SDC1: variants seen among roughly 807,000 people sequenced by gnomAD.
SDC1 encodes the protein syndecan 1.
SDC1 carries 14 observed loss-of-function variants against 29.7 expected under a neutral mutation model. The observed-to-expected ratio is 0.47, with a 90% CI of 0.31 to 0.74. SDC1 has a LOEUF of 0.74. SDC1 is among the 30% of genes least tolerant of loss of function. SDC1 has a pLI of 0.05. For synonymous variants in SDC1, 204 were observed against 175.5 expected, an observed-to-expected ratio of 1.16 and a Z score of -1.29; for missense variants, 406 against 400.3, an observed-to-expected ratio of 1.01 and a Z score of -0.12.
At position 20,204,031 on chromosome 2, in the gene SDC1, C is replaced by G. The variant is rs1677150891; in HGVS notation, c.409G>C (p.Ala137Pro). 1 of 1,612,920 alleles carries G rather than the reference C, an allele frequency of 6.2e-7. No homozygotes were observed. Among genetic ancestry groups the G allele is most frequent in the Non-Finnish European group, 8.5e-7 (1 of 1,179,394 alleles). Residue 137 changes from alanine to proline, a missense_variant, in exon 3 of 5, where the codon GCC becomes CCC. Ala to Pro is a conservative substitution (Grantham distance 27). Transcript: ENST00000254351. ...GCCGTGGTGGCTGTGGTCGTTGAGG[C>G]CAGATGAGTGGTCGGGAGCTGTGTG... ...ETTQLPTTHLASTTTATTAQE... is the reference protein window; with the variant it reads ...ETTQLPTTHLPSTTTATTAQE...
chr2:20,206,916 G>C (rs745401936), intron 1 of SDC1, among the ~76,000 whole-genome samples: 10 of 152,276 alleles, frequency 6.6e-5, no homozygotes, highest in Non-Finnish European at 1.5e-4. Context: ...TGTCTAGAAA[G>C]AGGGTGAAAG....
chr2:20,202,800 T>C lies in SDC1; in HGVS notation c.899A>G (p.Gln300Arg), dbSNP rs1374709120. ...EPKQANGGAY[Q>R]KPTKQEEFYA ...GAATTCCTCCTGTTTGGTGGGCTTC[T>C]GGTAGGCCCCGCCGTTGGCTTGTTT... is the stretch of plus-strand genomic sequence containing the variant. The change falls in exon 5 of 5, where the codon CAG (glutamine) becomes CGG (arginine). Residue 300 changes from glutamine (Q) to arginine (R), a missense_variant. Physicochemically the swap from Gln to Arg is conservative, Grantham distance 43. Transcript: ENST00000254351. 4 of 1,612,570 alleles carry C rather than the reference T, an allele frequency of 2.5e-6. No homozygotes were observed. The highest frequency in any genetic ancestry group is 3.4e-6 in the Non-Finnish European group (4 of 1,179,326).
At chr2:20,222,118 AAG>A (rs920135743) in intron 1 of SDC1, among the ~76,000 whole-genome samples, 4 of 150,894 alleles carry the variant, frequency 2.7e-5, no homozygotes, top group African/African-American at 9.9e-5. Context: ...CACAGAGAGA[AAG>A]AGAGAGAGAA....
At chr2:20,223,110 G>C (rs1310683833) in intron 1 of SDC1, 5 of 473,226 alleles carry the variant, frequency 1.1e-5, no homozygotes, top group African/African-American at 1.0e-4. Context: ...CCCTCCCCGT[G>C]CTCCCAGATA....
rs192936357 is a variant in SDC1, at chr2:20,219,950, T to C, written c.66+4852A>G. ...CCCGCCTCCCAGGCTTACAAAAGAA[T>C]CTGCTAATTCCAAGAATGTTTCCCC... On this transcript the variant is annotated intron_variant, in intron 1 of 4. Coordinates refer to ENST00000254351, the MANE Select transcript of SDC1 (RefSeq NM_002997.5). Among the ~76,000 whole-genome samples the C allele has an allele frequency of 1.7e-3, 255 of 152,230 alleles. 3 individuals carry two copies. Among genetic ancestry groups the C allele is most frequent in the African/African-American group, 6.0e-3 (249 of 41,548 alleles).
Position 20,207,680 on chromosome 2 carries a change from T to C in SDC1, c.67-2256A>G, listed in dbSNP as rs148781911. On this transcript the variant is annotated intron_variant, in intron 1 of 4. Coordinates refer to ENST00000254351, the MANE Select transcript of SDC1 (RefSeq NM_002997.5). ...GAGATTGTGCCACTGCACTCCAGCC[T>C]GCGTGACACAGCAAGACTCCGTCTC... is the stretch of plus-strand genomic sequence containing the variant. 1.8e-3 allele frequency among the ~76,000 whole-genome samples: 274 copies of C among 152,332 alleles called. 6 individuals carry two copies. In the East Asian group the frequency reaches 0.046, roughly 26 times the overall value.
intron 4 of SDC1, 24 bp from the exon 5 acceptor site, chr2:20,202,959 C>G: frequency 6.3e-7 from 1 of 1,593,104 alleles, no homozygotes; most frequent in Non-Finnish European, 8.6e-7. Context: ...ACGGGGCCAG[C>G]TCAGCTCAGC....
At position 20,204,776 on chromosome 2, in the gene SDC1, C is replaced by T. The variant is rs113519292; in HGVS notation, c.149-485G>A. On this transcript the variant is annotated intron_variant, in intron 2 of 4. Coordinates refer to ENST00000254351, the MANE Select transcript of SDC1 (RefSeq NM_002997.5). ...GGATGACCTCAGCCTCCTTCCTTAG[C>T]TCTCTCACCCCTCTTCTGAGGTCCA... Among the ~76,000 whole-genome samples the T allele has an allele frequency of 4.0e-3, 613 of 152,270 alleles. 6 individuals are homozygous for T. The highest frequency in any genetic ancestry group is 0.013 in the African/African-American group (551 of 41,558).
intron 2 of SDC1, among the ~76,000 whole-genome samples, chr2:20,204,955 A>C (rs1311389574): frequency 6.6e-6 from 1 of 152,256 alleles, no homozygotes; most frequent in Admixed American, 6.5e-5. Flanking sequence ...ACAGCTCCAC[A>C]AGCTTATCAG....
chr2:20,203,803 G>C lies in SDC1; in HGVS notation c.627+10C>G, dbSNP rs578096037. 1 of 1,554,168 alleles carries C rather than the reference G, an allele frequency of 6.4e-7. No homozygotes were observed. The highest frequency in any genetic ancestry group is 1.4e-5 in the African/African-American group (1 of 71,920). ...CACTCAATTTCCCAAGGAATGCAGA[G>C]GCCACTCACCTGCTCCCCAGAGCCC... On this transcript the variant is annotated intron_variant, in intron 3 of 4. Coordinates refer to ENST00000254351, the MANE Select transcript of SDC1 (RefSeq NM_002997.5).
At chr2:20,203,330 C>T (rs1264841521) in intron 3 of SDC1, 108 bp from the exon 4 acceptor site, 4 of 1,335,030 alleles carry the variant, frequency 3.0e-6, no homozygotes, top group Non-Finnish European at 4.1e-6. Flanking sequence ...TCTTTGCCAC[C>T]ACCCACTCAG....
chr2:20,215,794 G>A (rs1677608762), intron 1 of SDC1, among the ~76,000 whole-genome samples: 1 of 152,178 alleles, frequency 6.6e-6, no homozygotes, highest in East Asian at 1.9e-4. Context: ...GATCCAGGTG[G>A]GCTAGACTCC....
rs779911939 is a variant in SDC1, at chr2:20,204,297, G to T, written c.149-6C>A. ...GGTGATATCTTGCAAAGCACCTGCA[G>T]GACCAGAAGCAGAGTGTGTTGGGGA... On this transcript the variant is annotated splice_polypyrimidine_tract_variant and splice_region_variant and intron_variant, in intron 2 of 4. Coordinates refer to ENST00000254351, the MANE Select transcript of SDC1 (RefSeq NM_002997.5). 3 of 1,579,184 alleles carry T rather than the reference G, an allele frequency of 1.9e-6. No individual in the cohort carries two copies. In the Admixed American group the frequency reaches 5.1e-5, roughly 27 times the overall value.
chr2:20,209,929 C>G (rs894801386), intron 1 of SDC1, among the ~76,000 whole-genome samples: 18 of 152,250 alleles, frequency 1.2e-4, no homozygotes, highest in Non-Finnish European at 1.2e-4. Flanking sequence ...CCATCTACCC[C>G]CCGCCATCAG....
rs549637596 is a variant in SDC1 at position 20,204,191 on chromosome 2, C to T, written c.249G>A (p.Leu83=). 10 of 1,599,732 alleles carry T rather than the reference C, an allele frequency of 6.3e-6. No individual in the cohort carries two copies. In the East Asian group the frequency reaches 2.0e-4, roughly 32 times the overall value. ...AIPTSPEPTG[L]EATAASTSTL... is the part of the protein sequence containing the mutation. ...TGGAGGTGGAGGCAGCTGTAGCCTC[C>T]AGGCCGGTGGGTTCTGGAGACGTGG... is the stretch of plus-strand genomic sequence containing the variant. The change falls in exon 3 of 5, where the codon CTG becomes CTA. Residue 83 remains leucine, a synonymous_variant. Coordinates refer to ENST00000254351, the MANE Select transcript of SDC1 (RefSeq NM_002997.5).
chr2:20,217,574 C>T (rs989257894), intron 1 of SDC1, among the ~76,000 whole-genome samples: 3 of 152,200 alleles, frequency 2.0e-5, no homozygotes, highest in African/African-American at 4.8e-5. Flanking sequence ...CCTCTGTACA[C>T]AGTCACTCGA....
intron 1 of SDC1, among the ~76,000 whole-genome samples, chr2:20,221,941 G>C (rs1437566551): frequency 2.6e-5 from 4 of 152,104 alleles, no homozygotes; most frequent in Non-Finnish European, 4.4e-5. Flanking sequence ...CCAGGCTGTG[G>C]GAAAATGTCT....
At chr2:20,220,476 G>A (rs1677783746) in intron 1 of SDC1, among the ~76,000 whole-genome samples, 2 of 152,160 alleles carry the variant, frequency 1.3e-5, no homozygotes, top group Admixed American at 1.3e-4. Context: ...GATATATATT[G>A]TAAAGGTTTT....
rs1313897237 is a variant in SDC1, at chr2:20,203,229, G to C, written c.628-7C>G. 3.7e-6 allele frequency: 6 copies of C among 1,601,170 alleles called. No homozygotes were observed. Among genetic ancestry groups the C allele is most frequent in the Non-Finnish European group, 5.1e-6 (6 of 1,170,978 alleles). ...AGGTTTCAAAGGTGAAGTCCTGTGG[G>C]AGGGCAGGGGCAGATTGGGTTGGCC... On this transcript the variant is annotated splice_polypyrimidine_tract_variant and splice_region_variant and intron_variant, in intron 3 of 4. Transcript: ENST00000254351.
Sources: allele counts gnomAD v4.1 joint callset (sites outside exome capture counted in the v4.1 genomes callset), GRCh38; gene constraint gnomAD v4.1.1; transcripts MANE v1.5; gene names NCBI Gene and HGNC (gene_info 2026-07-23, HGNC 2026-07-21).